CRACDL: variants seen among roughly 807,000 people sequenced by gnomAD.
The protein encoded by CRACDL is CRACD like, also known as CRACD-like protein.
CRACDL carries 26 observed loss-of-function variants against 70.6 expected under a neutral mutation model. The ratio of observed to expected loss-of-function variants is 0.37; its 90% confidence interval spans 0.27 to 0.51. CRACDL has a LOEUF of 0.51. Among genes scored for constraint, CRACDL ranks in the 20% least tolerant of loss-of-function variants. The pLI is 0.94. For synonymous variants in CRACDL, 618 were observed against 615.2 expected (o/e 1.00, Z -0.07); for missense variants, 1,283 against 1,376.9 (o/e 0.93, Z 1.08).
intron 1 of CRACDL, among the ~76,000 whole-genome samples, chr2:98,933,352 G>A (rs1241666909): frequency 2.6e-5 from 4 of 152,310 alleles, no homozygotes; most frequent in Admixed American, 2.6e-4. Context: ...GGTCCCCGAG[G>A]AGTAACGTGG....
At chr2:98,815,343 G>A (rs1295077005) in intron 7 of CRACDL, among the ~76,000 whole-genome samples, 1 of 152,190 alleles carries the variant, frequency 6.6e-6, no homozygotes, top group Non-Finnish European at 1.5e-5. Context: ...TCAGTTTTAT[G>A]CATGTGCAGC....
intron 7 of CRACDL, among the ~76,000 whole-genome samples, chr2:98,820,881 G>A (rs998668996): frequency 4.6e-5 from 7 of 152,198 alleles, no homozygotes; most frequent in African/African-American, 1.7e-4. Context: ...TTATGAAGCA[G>A]GAGGAAATTC....
intron 1 of CRACDL, among the ~76,000 whole-genome samples, chr2:98,886,141 T>C (rs1222117877): frequency 6.6e-6 from 1 of 152,170 alleles, no homozygotes; most frequent in Non-Finnish European, 1.5e-5. Flanking sequence ...TGGCAGCTGC[T>C]GGAAGGGGAC....
intron 1 of CRACDL, among the ~76,000 whole-genome samples, chr2:98,891,399 A>AAAAAAAAAAAAAG (rs1390017888): frequency 6.8e-6 from 1 of 147,308 alleles, no homozygotes; most frequent in African/African-American, 2.5e-5. Context: ...AAAAAAAAAA[A>AAAAAAAAAAAAAG]AAAAAATCCA....
chr2:98,812,075 A>G (rs1405471942), intron 7 of CRACDL, among the ~76,000 whole-genome samples: 1 of 152,224 alleles, frequency 6.6e-6, no homozygotes, highest in African/African-American at 2.4e-5. Flanking sequence ...TCCTGGGTTC[A>G]AGCGATTCTC....
chr2:98,892,883 A>G (rs1708014801), intron 1 of CRACDL, among the ~76,000 whole-genome samples: 1 of 151,850 alleles, frequency 6.6e-6, no homozygotes, highest in Admixed American at 6.6e-5. Flanking sequence ...CCTTCCTCAC[A>G]CTCTTACTAA....
rs1225348486 is a variant in CRACDL, at chr2:98,822,697, C to T, written c.1576G>A (p.Gly526Ser). 7.0e-5 allele frequency: 89 copies of T among 1,265,682 alleles called. No homozygotes were observed. Among genetic ancestry groups the T allele is most frequent in the Non-Finnish European group, 8.3e-5 (84 of 1,009,162 alleles). 78.4% of individuals were successfully genotyped at this position (1,265,682 alleles called of 1,614,324 possible). ...AAAESPPVEP[G>S]PGSLDAEAAA... The stretch of plus-strand genomic sequence containing the variant: ...GCCTCTGCGTCGAGGGAACCGGGGC[C>T]GGGCTCCACCGGGGGAGACTCCGCA... The change falls in exon 7 of 10, where the codon GGC becomes AGC. Residue 526 changes from glycine to serine, a missense_variant. By Grantham distance (56) the Gly-to-Ser change is moderately conservative. Transcript: ENST00000397899. The surrounding 1 kb of genome is among the most constrained non-coding windows in gnomAD (Gnocchi z 4.9).
chr2:98,797,651 T>C (rs1703885900), intron 7 of CRACDL, 114 bp from the exon 8 acceptor site: 3 of 926,828 alleles, frequency 3.2e-6, no homozygotes, highest in Middle Eastern at 2.3e-4. Flanking sequence ...GCAGGGTGTC[T>C]GGGAGAGGAT....
chr2:98,929,861 C>T (rs565922579), intron 1 of CRACDL, among the ~76,000 whole-genome samples: 6 of 152,158 alleles, frequency 3.9e-5, no homozygotes, highest in African/African-American at 1.2e-4. Flanking sequence ...GGAGGAGATA[C>T]GAGCTCTAAG....
Position 98,822,071 on chromosome 2 carries a change from G to A in CRACDL, c.2202C>T (p.Pro734=), listed in dbSNP as rs755367748. 1 of 1,552,114 alleles carries A rather than the reference G, an allele frequency of 6.4e-7. No homozygotes were observed. ...TGGGGGCCCTGGTGCCTCGAAGGGC[G>A]GGGGCCGTCCCGAGGGGACACTTCT... ...KEEKCPLGTA[P]ALRGTRAPSD... is the part of the protein sequence containing the mutation. The change falls in exon 7 of 10, where the codon CCC becomes CCT. Residue 734 remains proline, a synonymous_variant. Coordinates refer to ENST00000397899, the MANE Select transcript of CRACDL (RefSeq NM_207362.3). The surrounding 1 kb of genome is among the most constrained non-coding windows in gnomAD (Gnocchi z 4.9).
chr2:98,800,427 G>A (rs1036799248), intron 7 of CRACDL, among the ~76,000 whole-genome samples: 2 of 152,140 alleles, frequency 1.3e-5, no homozygotes, highest in Non-Finnish European at 2.9e-5. Flanking sequence ...GGGACACTGT[G>A]GGGGTTTTAA....
chr2:98,900,236 A>G (rs56125264), intron 1 of CRACDL, among the ~76,000 whole-genome samples: 30,499 of 70,856 alleles, frequency 0.43, 7,830 homozygotes, highest in African/African-American at 0.62. Flanking sequence ...GGCAGGGGAC[A>G]GAGGCTCAGT....
intron 1 of CRACDL, among the ~76,000 whole-genome samples, chr2:98,905,392 C>T (rs1049199122): frequency 1.8e-4 from 27 of 152,140 alleles, no homozygotes; most frequent in African/African-American, 6.5e-4. Context: ...ATGCCAGCAC[C>T]ACATTCCCTG....
chr2:98,867,413 A>G (rs1345172601), intron 1 of CRACDL, among the ~76,000 whole-genome samples: 1 of 152,194 alleles, frequency 6.6e-6, no homozygotes, highest in Non-Finnish European at 1.5e-5. Flanking sequence ...CCTGAATACA[A>G]TTCATGTCTT....
chr2:98,934,328 A>G (rs1709156006), intron 1 of CRACDL, among the ~76,000 whole-genome samples: 1 of 150,742 alleles, frequency 6.6e-6, no homozygotes, highest in Non-Finnish European at 1.5e-5. Flanking sequence ...CCTCCCGAGT[A>G]GCTGGATTAC....
intron 7 of CRACDL, among the ~76,000 whole-genome samples, chr2:98,808,803 G>C (rs564622881): frequency 1.3e-5 from 2 of 152,140 alleles, no homozygotes; most frequent in Non-Finnish European, 2.9e-5. Flanking sequence ...GGGTCTCAGC[G>C]CCCCCCACAT....
At chr2:98,871,984 C>T (rs779700116) in intron 1 of CRACDL, among the ~76,000 whole-genome samples, 4 of 152,174 alleles carry the variant, frequency 2.6e-5, no homozygotes, top group African/African-American at 4.8e-5. Flanking sequence ...GAATATTACA[C>T]CGCCATAAAA....
At chr2:98,795,091 T>TTTTTTTTTTTTTTTG in intron 9 of CRACDL, among the ~76,000 whole-genome samples, 1 of 128,434 alleles carries the variant, frequency 7.8e-6, no homozygotes, top group Non-Finnish European at 1.6e-5. Flanking sequence ...TTTTTTTTTT[T>TTTTTTTTTTTTTTTG]TGAGACAGAA....
intron 7 of CRACDL, among the ~76,000 whole-genome samples, chr2:98,810,573 G>A (rs546427448): frequency 6.6e-6 from 1 of 152,188 alleles, no homozygotes; most frequent in South Asian, 2.1e-4. Context: ...GCTGACCAAG[G>A]TGAACATCAC....
Sources: gnomAD v4.1 joint callset for allele counts (sites outside exome capture counted in the v4.1 genomes callset) on GRCh38, gnomAD v4.1.1 for gene constraint, Gnocchi (gnomAD v3.1) non-coding constraint, MANE v1.5 for transcripts, NCBI Gene and HGNC (gene_info 2026-07-23, HGNC 2026-07-21) for gene names.